PRDM11: variants seen among roughly 807,000 people sequenced by gnomAD.
The protein encoded by PRDM11 is PR domain-containing protein 11.
A neutral mutation model predicts 97.8 loss-of-function variants in PRDM11; 20 were observed. That is an observed-to-expected ratio of 0.20 (90% CI 0.14 to 0.30). The LOEUF is 0.30. Ranked by LOEUF, PRDM11 falls within the 10% of genes least tolerant of loss-of-function variation. PRDM11 has a pLI of 1.00. For synonymous variants in PRDM11, 599 were observed against 637.7 expected (o/e 0.94, Z 0.91); for missense variants, 1,139 against 1,555.2 (o/e 0.73, Z 4.50).
chr11:45,166,312 G>A (rs182197325), intron 1 of PRDM11, among the ~76,000 whole-genome samples: 7 of 152,156 alleles, frequency 4.6e-5, no homozygotes, highest in Admixed American at 1.3e-4. Flanking sequence ...CAGCAGATTC[G>A]CCCTTCTATC....
chr11:45,106,078 C>A lies in PRDM11; in HGVS notation c.96+10177C>A, dbSNP rs74965187. 5.3e-5 allele frequency among the ~76,000 whole-genome samples: 8 copies of A among 152,230 alleles called. 1 individual carries two copies. Among genetic ancestry groups the A allele is most frequent in the African/African-American group, 1.9e-4 (8 of 41,536 alleles). ...CTCCAGTTCCTCCTCCTGGGCTCAC[C>A]CACGCCTGAACTTCCCCCACCTGAG... On this transcript the variant is annotated intron_variant, in intron 1 of 6. Coordinates refer to the PRDM11 transcript ENST00000530656.
At chr11:45,138,762 G>A (rs931406148) in intron 1 of PRDM11, among the ~76,000 whole-genome samples, 1 of 151,866 alleles carries the variant, frequency 6.6e-6, no homozygotes, top group African/African-American at 2.4e-5. Flanking sequence ...AGAGCAATCA[G>A]AAGAAAATCT....
intron 1 of PRDM11, among the ~76,000 whole-genome samples, chr11:45,138,950 T>C (rs1852935446): frequency 6.6e-6 from 1 of 152,232 alleles, no homozygotes; most frequent in Non-Finnish European, 1.5e-5. Flanking sequence ...CATTCTGCTA[T>C]CCTTAATATG....
At chr11:45,127,290 T>C (rs1852596264) in intron 1 of PRDM11, among the ~76,000 whole-genome samples, 1 of 152,244 alleles carries the variant, frequency 6.6e-6, no homozygotes. Context: ...AATTTCCTCC[T>C]GTAGCTCGGA....
In PRDM11 at chr11:45,122,202, G is replaced by GACAC. The variant is rs756403475; in HGVS notation, c.96+26333_96+26336dup. ...AGAGACACAGACAGACACACACACAGACACACACACACACACACACACACA... is the reference window on the plus strand; with the variant it reads ...AGAGACACAGACAGACACACACACAGACACACACACACACACACACACACACACA... On this transcript the variant is annotated intron_variant, in intron 1 of 6. Transcript: ENST00000530656. Among the ~76,000 whole-genome samples the GACAC allele has an allele frequency of 9.0e-3, 1,303 of 145,110 alleles. 19 individuals carry two copies. The highest frequency in any genetic ancestry group is 0.027 in the African/African-American group (1,055 of 39,584).
chr11:45,211,201 G>A (rs1193245067), intron 5 of PRDM11, among the ~76,000 whole-genome samples: 5 of 152,142 alleles, frequency 3.3e-5, no homozygotes, highest in African/African-American at 1.2e-4. Flanking sequence ...GGATCTCAGG[G>A]GATGGCTGCT....
chr11:45,219,044 C>T lies in PRDM11; in HGVS notation c.555-526C>T, dbSNP rs1854035616. 6.6e-6 allele frequency among the ~76,000 whole-genome samples: 1 copy of T among 152,174 alleles called. No individual in the cohort carries two copies. On this transcript the variant is annotated intron_variant, in intron 5 of 7. Coordinates refer to ENST00000683152, the MANE Select transcript of PRDM11 (RefSeq NM_001384648.1). The surrounding 1 kb of genome is among the most constrained non-coding windows in gnomAD (Gnocchi z 4.2). The stretch of plus-strand genomic sequence containing the variant: ...CCTCCCCTGTCCCCACTGGAGCCCC[C>T]ATTTTTTAAAAGATTTTGATCTTTA...
At position 45,226,776 on chromosome 11, in the gene PRDM11, C is replaced by T; in HGVS notation, c.2151C>T (p.Gly717=). 2 of 1,533,974 alleles carry T rather than the reference C, an allele frequency of 1.3e-6. No individual in the cohort carries two copies. The highest frequency in any genetic ancestry group is 1.7e-6 in the Non-Finnish European group (2 of 1,146,736). Residue 717 remains glycine (G), a synonymous_variant, in exon 8 of 8, where the codon GGC becomes GGT. Transcript: ENST00000683152. ...QALDRAFSAL[G]IRLQDEKPTV... Reference sequence around the variant, plus strand: ...TTGACCGGGCCTTCTCGGCCTTGGGCATCCGGTTGCAGGATGAAAAGCCAA... The same window carrying T: ...TTGACCGGGCCTTCTCGGCCTTGGGTATCCGGTTGCAGGATGAAAAGCCAA...
At position 45,211,629 on chromosome 11, in the gene PRDM11, T is replaced by C. The variant is rs556965784; in HGVS notation, c.554+6851T>C. 7.9e-5 allele frequency among the ~76,000 whole-genome samples: 12 copies of C among 152,314 alleles called. No homozygotes were observed. The South Asian group carries it at 2.1e-3, about 26-fold the overall frequency. ...CAGAGGTGGCTCTCCTGCTCTGCAC[T>C]GTCCTGCCAGTTTCTTCAGCCTGTC... On this transcript the variant is annotated intron_variant, in intron 5 of 7. Transcript: ENST00000683152.
At chr11:45,134,701 GAAAAAAAAA>G (rs1191008824) in intron 1 of PRDM11, among the ~76,000 whole-genome samples, 6 of 44,262 alleles carry the variant, frequency 1.4e-4, no homozygotes, top group Admixed American at 9.9e-4. Context: ...CCTGTCTCAC[GAAAAAAAAA>G]AAAAAAAAAA....
Position 45,106,680 on chromosome 11 carries a change from C to T in PRDM11, c.96+10779C>T, listed in dbSNP as rs111960652. ...CTCACGTGCAGGTCTGAGGCCGACA[C>T]GGGCTGCCACCTGGGACACTGACCC... On this transcript the variant is annotated intron_variant, in intron 1 of 6. Coordinates refer to the PRDM11 transcript ENST00000530656. 3.6e-3 allele frequency among the ~76,000 whole-genome samples: 541 copies of T among 152,288 alleles called. 5 individuals carry two copies. The highest frequency in any genetic ancestry group is 0.012 in the African/African-American group (493 of 41,552).
chr11:45,177,842 G>A (rs997595153), intron 1 of PRDM11, among the ~76,000 whole-genome samples: 1 of 152,064 alleles, frequency 6.6e-6, no homozygotes, highest in African/African-American at 2.4e-5. Flanking sequence ...ACAGATTCCC[G>A]GCATAACCAA....
chr11:45,116,604 T>C (rs183649970), intron 1 of PRDM11, among the ~76,000 whole-genome samples: 1 of 152,232 alleles, frequency 6.6e-6, no homozygotes, highest in African/African-American at 2.4e-5. Flanking sequence ...ATAACGAAAA[T>C]ATATCTCAAA....
At chr11:45,168,960 G>A (rs557928150) in intron 1 of PRDM11, among the ~76,000 whole-genome samples, 44 of 152,258 alleles carry the variant, frequency 2.9e-4, no homozygotes, top group Admixed American at 2.7e-3. Flanking sequence ...GGCTGACCGG[G>A]TACTTGGAGT....
rs1279547067 is a variant in PRDM11, at chr11:45,193,712, C to T, written c.486+10589C>T. 1.3e-5 allele frequency among the ~76,000 whole-genome samples: 2 copies of T among 152,218 alleles called. 1 individual carries two copies. Among genetic ancestry groups the T allele is most frequent in the Non-Finnish European group, 2.9e-5 (2 of 68,046 alleles). ...TGGTGGGCTGGAATTAGCCCACAAG[C>T]CGTAGTTTGCTGAGCCCTGACATAG... On this transcript the variant is annotated intron_variant, in intron 4 of 7. Coordinates refer to ENST00000683152, the MANE Select transcript of PRDM11 (RefSeq NM_001384648.1).
At chr11:45,199,997 G>A (rs1004791902) in intron 4 of PRDM11, among the ~76,000 whole-genome samples, 9 of 152,190 alleles carry the variant, frequency 5.9e-5, no homozygotes, top group Admixed American at 5.9e-4. Context: ...ATATCACAGT[G>A]GCCTCTCTTC....
intron 1 of PRDM11, among the ~76,000 whole-genome samples, chr11:45,137,056 G>A (rs1218780975): frequency 2.6e-5 from 4 of 151,764 alleles, no homozygotes; most frequent in Non-Finnish European, 4.4e-5. Context: ...CCAGCCACTC[G>A]GGAGGCTGAG....
intron 1 of PRDM11, among the ~76,000 whole-genome samples, chr11:45,124,359 G>A (rs1356417094): frequency 6.6e-6 from 1 of 151,988 alleles, no homozygotes; most frequent in East Asian, 1.9e-4. Flanking sequence ...AATTGACCTG[G>A]CCAGAACTTC....
Position 45,129,953 on chromosome 11 carries a change from T to G in PRDM11, c.96+34052T>G, listed in dbSNP as rs1230446039. On this transcript the variant is annotated intron_variant, in intron 1 of 6. Coordinates refer to the PRDM11 transcript ENST00000530656. Reference sequence around the variant, plus strand: ...AGATAAATAGAAGAATGAAGTAGGATAGAGTCCAACAACAGACCCACACTT... The same window carrying G: ...AGATAAATAGAAGAATGAAGTAGGAGAGAGTCCAACAACAGACCCACACTT... 5.9e-5 allele frequency among the ~76,000 whole-genome samples: 9 copies of G among 152,240 alleles called. No individual in the cohort carries two copies. In the South Asian group the frequency reaches 1.5e-3, roughly 25 times the overall value.
Sources: allele counts gnomAD v4.1 joint callset (sites outside exome capture counted in the v4.1 genomes callset), GRCh38; gene constraint gnomAD v4.1.1; non-coding constraint Gnocchi (gnomAD v3.1); transcripts MANE v1.5; gene names NCBI Gene and HGNC (gene_info 2026-07-23, HGNC 2026-07-21).